Variants in CREB5 observed in about 807,000 individuals in gnomAD.
CREB5 encodes cyclic AMP-responsive element-binding protein 5.
In CREB5, 19 loss-of-function variants were observed where a neutral mutation model predicts 57.1. The ratio of observed to expected loss-of-function variants is 0.33; its 90% confidence interval spans 0.23 to 0.49. CREB5 has a LOEUF of 0.49. Among genes scored for constraint, CREB5 ranks in the 20% least tolerant of loss-of-function variants. CREB5 has a pLI of 0.99. For missense variants in CREB5, 579 were observed against 671.6 expected, an observed-to-expected ratio of 0.86 and a Z score of 1.52; for synonymous variants, 238 against 238.3, an observed-to-expected ratio of 1.00 and a Z score of 0.01.
intron 5 of CREB5, among the ~76,000 whole-genome samples, chr7:28,638,142 A>G (rs1284829219): frequency 6.6e-6 from 1 of 152,040 alleles, no homozygotes; most frequent in East Asian, 1.9e-4. Flanking sequence ...TGTATGCCAA[A>G]TGAGGTTTAT....
At chr7:28,464,496 CGTGTGTGTGTGT>C (rs71555745) in intron 1 of CREB5, among the ~76,000 whole-genome samples, 27 of 139,654 alleles carry the variant, frequency 1.9e-4, no homozygotes, top group South Asian at 1.6e-3. Flanking sequence ...TGGAAAGTTG[CGTGTGTGTGTGT>C]GTGTGTGTGT....
intron 7 of CREB5, among the ~76,000 whole-genome samples, chr7:28,785,976 G>A (rs1251025215): frequency 5.9e-5 from 9 of 152,106 alleles, no homozygotes; most frequent in Admixed American, 1.3e-4. Context: ...ACGTGTCATC[G>A]TGCCTCCTTC....
At chr7:28,810,728 T>C (rs1809067376) in intron 9 of CREB5, among the ~76,000 whole-genome samples, 2 of 151,990 alleles carry the variant, frequency 1.3e-5, no homozygotes, top group Non-Finnish European at 2.9e-5. Context: ...TGACTAGGCA[T>C]TGGTAGGTCA....
intron 5 of CREB5, among the ~76,000 whole-genome samples, chr7:28,641,285 C>T (rs1408596304): frequency 6.6e-6 from 1 of 152,094 alleles, no homozygotes; most frequent in Non-Finnish European, 1.5e-5. Context: ...AAGGACCACC[C>T]CCCCATCGGG....
intron 7 of CREB5, among the ~76,000 whole-genome samples, chr7:28,739,938 TATACAATAGAGATCTC>T (rs1220881425): frequency 6.6e-6 from 1 of 152,234 alleles, no homozygotes; most frequent in African/African-American, 2.4e-5. Context: ...GACTGCCCCT[TATACAATAGAGATCTC>T]ATTCGGCCGT....
intron 1 of CREB5, among the ~76,000 whole-genome samples, chr7:28,311,607 A>G (rs1785278665): frequency 6.6e-6 from 1 of 152,160 alleles, no homozygotes. Flanking sequence ...TCTTTCTTTA[A>G]TTTTGACCAG....
At chr7:28,691,940 G>A (rs1389117406) in intron 5 of CREB5, among the ~76,000 whole-genome samples, 4 of 148,200 alleles carry the variant, frequency 2.7e-5, no homozygotes, top group Admixed American at 1.3e-4. Context: ...AGGCCGAGGC[G>A]AGTGGATTGC....
At chr7:28,347,511 T>C (rs893976005) in intron 1 of CREB5, among the ~76,000 whole-genome samples, 17 of 152,242 alleles carry the variant, frequency 1.1e-4, no homozygotes, top group Non-Finnish European at 7.3e-5. Context: ...CATATTTCGA[T>C]GCCAGCATTT....
intron 7 of CREB5, among the ~76,000 whole-genome samples, chr7:28,763,057 G>T (rs1167097821): frequency 2.0e-5 from 3 of 152,150 alleles, no homozygotes; most frequent in Non-Finnish European, 4.4e-5. Context: ...ACAGAAAGAG[G>T]CCTAACCTTG....
At chr7:28,450,440 T>C (rs1386682492) in intron 1 of CREB5, among the ~76,000 whole-genome samples, 3 of 152,242 alleles carry the variant, frequency 2.0e-5, no homozygotes, top group Non-Finnish European at 4.4e-5. Flanking sequence ...TCGCATATGA[T>C]GCAAAATATT....
intron 9 of CREB5, among the ~76,000 whole-genome samples, chr7:28,816,055 G>GCGCACACACACA (rs1554303451): frequency 2.8e-5 from 4 of 145,258 alleles, no homozygotes; most frequent in African/African-American, 5.1e-5. Flanking sequence ...AAATATATAC[G>GCGCACACACACA]CACACACACA....
chr7:28,448,132 G>T (rs565590790), intron 1 of CREB5, among the ~76,000 whole-genome samples: 1 of 152,274 alleles, frequency 6.6e-6, no homozygotes, highest in African/African-American at 2.4e-5. Context: ...AACGTGAAAA[G>T]GAGAGACTGG....
intron 7 of CREB5, among the ~76,000 whole-genome samples, chr7:28,725,645 T>TTAA (rs1554291839): frequency 7.1e-5 from 8 of 112,374 alleles, no homozygotes; most frequent in African/African-American, 1.2e-4. Context: ...TATCTTTTTT[T>TTAA]AAAAAAAAAA....
rs539430677 is a variant in CREB5, at chr7:28,462,394, G to GT, written c.4-25776dup. 1.2e-4 allele frequency among the ~76,000 whole-genome samples: 18 copies of GT among 152,266 alleles called. No homozygotes were observed. In the East Asian group the frequency reaches 3.5e-3, roughly 29 times the overall value. ...TGAACATCGATGTATGAGTTTACAA[G>GT]TTTTTATATGAACATAGGTTTTCAT... is the stretch of plus-strand genomic sequence containing the variant. On this transcript the variant is annotated intron_variant, in intron 1 of 10. Transcript: ENST00000357727.
At chr7:28,800,663 G>C (rs1808309795) in intron 7 of CREB5, among the ~76,000 whole-genome samples, 1 of 152,164 alleles carries the variant, frequency 6.6e-6, no homozygotes, top group African/African-American at 2.4e-5. Context: ...TGCAGATGAG[G>C]TTCCTGGAAA....
chr7:28,478,295 T>C lies in CREB5; in HGVS notation c.4-9880T>C, dbSNP rs1791165362. ...ATACGAGCTAGGCATGAGTTTTGAG[T>C]CTTGAGCTTGTTTATCAGGATGAAA... On this transcript the variant is annotated intron_variant, in intron 1 of 10. Coordinates refer to ENST00000357727, the MANE Select transcript of CREB5 (RefSeq NM_182898.4). Among the ~76,000 whole-genome samples, 3 of 151,932 alleles carry C rather than the reference T, an allele frequency of 2.0e-5. No individual in the cohort carries two copies. The South Asian group carries it at 6.2e-4, about 31-fold the overall frequency.
intron 1 of CREB5, among the ~76,000 whole-genome samples, chr7:28,352,355 G>A (rs542638634): frequency 6.6e-6 from 1 of 152,298 alleles, no homozygotes; most frequent in Non-Finnish European, 1.5e-5. Flanking sequence ...GCCAGCTCCT[G>A]CACTGCGCAC....
chr7:28,714,291 A>T (rs1339200924), intron 5 of CREB5, among the ~76,000 whole-genome samples: 1 of 152,210 alleles, frequency 6.6e-6, no homozygotes. Context: ...GCTAATTAAA[A>T]GAAAATGGGA....
intron 2 of CREB5, 38 bp from the exon 3 acceptor site, chr7:28,494,868 C>A (rs777420837): frequency 1.6e-6 from 2 of 1,272,488 alleles, no homozygotes. Context: ...CTGAATGGCT[C>A]CTCTTCTCCC....
Sources: gnomAD v4.1 joint callset for allele counts (sites outside exome capture counted in the v4.1 genomes callset) on GRCh38, gnomAD v4.1.1 for gene constraint, MANE v1.5 for transcripts, NCBI Gene and HGNC (gene_info 2026-07-23, HGNC 2026-07-21) for gene names.